The following CSMD1 variants were observed in gnomAD, a reference collection of about 807,000 sequenced individuals.
CSMD1 encodes CUB and sushi domain-containing protein 1.
A neutral mutation model predicts 417.5 loss-of-function variants in CSMD1; 213 were observed. The observed-to-expected ratio is 0.51, with a 90% CI of 0.46 to 0.57. CSMD1 has a LOEUF of 0.57. CSMD1 is among the 20% of genes least tolerant of loss of function. The pLI, the probability that CSMD1 is intolerant of heterozygous loss-of-function variation, is 0.00. For synonymous variants in CSMD1, 2,862 were observed against 1,736.8 expected (o/e 1.65, Z -16.11); for missense variants, 6,923 against 4,529.7 (o/e 1.53, Z -15.17).
intron 5 of CSMD1, among the ~76,000 whole-genome samples, chr8:3,932,651 G>A (rs547784608): frequency 6.0e-5 from 9 of 150,354 alleles, no homozygotes; most frequent in African/African-American, 2.0e-4. Flanking sequence ...CATGTTATTA[G>A]GGAATTCTCA....
chr8:4,009,384 C>G (rs1027019194), intron 4 of CSMD1, among the ~76,000 whole-genome samples: 2 of 152,098 alleles, frequency 1.3e-5, no homozygotes, highest in African/African-American at 4.8e-5. Flanking sequence ...TACTTAGAAG[C>G]AAACTGCCAT....
chr8:4,232,031 A>G (rs1213622309), intron 3 of CSMD1, among the ~76,000 whole-genome samples: 2 of 152,188 alleles, frequency 1.3e-5, no homozygotes, highest in Non-Finnish European at 2.9e-5. Flanking sequence ...ATGAAACAAT[A>G]TGTTGGCCTG....
At chr8:3,483,751 G>T (rs184342436) in intron 11 of CSMD1, among the ~76,000 whole-genome samples, 1 of 152,024 alleles carries the variant, frequency 6.6e-6, no homozygotes, top group African/African-American at 2.4e-5. Context: ...CAAAATATTA[G>T]AAAACTGAAT....
At chr8:4,792,983 AATAT>A (rs34947549) in intron 1 of CSMD1, among the ~76,000 whole-genome samples, 77,627 of 148,440 alleles carry the variant, frequency 0.52, 21,965 homozygotes, top group Admixed American at 0.7. Context: ...ATGTGTATGC[AATAT>A]ATATATATAT....
intron 3 of CSMD1, among the ~76,000 whole-genome samples, chr8:4,103,166 T>C (rs968705125): frequency 4.6e-5 from 7 of 152,012 alleles, no homozygotes; most frequent in African/African-American, 1.7e-4. Flanking sequence ...TGTGAGCCAG[T>C]CAGCACAAAA....
At chr8:4,045,905 C>A (rs2130663012) in intron 3 of CSMD1, among the ~76,000 whole-genome samples, 1 of 152,064 alleles carries the variant, frequency 6.6e-6, no homozygotes, top group South Asian at 2.1e-4. Flanking sequence ...CTGGTGAACA[C>A]ACACAGGTAT....
At chr8:3,369,793 A>T (rs1461441012) in intron 18 of CSMD1, among the ~76,000 whole-genome samples, 1 of 152,204 alleles carries the variant, frequency 6.6e-6, no homozygotes, top group Non-Finnish European at 1.5e-5. Flanking sequence ...GTTTTATGTA[A>T]TCATTTCAAT....
intron 3 of CSMD1, among the ~76,000 whole-genome samples, chr8:4,251,075 G>C (rs370440401): frequency 2.0e-5 from 3 of 152,142 alleles, no homozygotes; most frequent in South Asian, 4.1e-4. Context: ...CTTGTGAAAT[G>C]TTGTAGTCAC....
At chr8:3,624,048 G>T (rs548277322) in intron 7 of CSMD1, among the ~76,000 whole-genome samples, 43 of 152,092 alleles carry the variant, frequency 2.8e-4, no homozygotes, top group African/African-American at 9.4e-4. Flanking sequence ...ATTATGCGTT[G>T]AAGGGCTTTG....
chr8:4,076,527 C>T (rs544370440), intron 3 of CSMD1, among the ~76,000 whole-genome samples: 5 of 152,046 alleles, frequency 3.3e-5, no homozygotes, highest in Non-Finnish European at 7.4e-5. Context: ...CAAATAGAGC[C>T]AAAAACGAAT....
intron 1 of CSMD1, among the ~76,000 whole-genome samples, chr8:4,771,256 C>A (rs1436417175): frequency 1.3e-5 from 2 of 152,178 alleles, no homozygotes; most frequent in African/African-American, 4.8e-5. Context: ...AGTCTACATT[C>A]TGTAATTCCA....
rs770074795 is a variant in CSMD1 at position 3,087,150 on chromosome 8, C to T, written c.7421G>A (p.Arg2474Lys). ...RMVGHSNATCRRNPLGMYQWD... is the reference protein window; with the variant it reads ...RMVGHSNATCKRNPLGMYQWD... ...CTGGTACATGCCAAGTGGGTTTCGT[C>T]TACAGGTTGCATTGCTGTGGCCGAC... The change falls in exon 49 of 70, where the codon AGA becomes AAA. Residue 2474 changes from arginine to lysine, a missense_variant. Arg to Lys is a conservative substitution (Grantham distance 26). Coordinates refer to ENST00000635120, the MANE Select transcript of CSMD1 (RefSeq NM_033225.6). The T allele has an allele frequency of 2.5e-6, 4 of 1,613,756 alleles. No individual in the cohort carries two copies. Among genetic ancestry groups the T allele is most frequent in the African/African-American group, 2.7e-5 (2 of 74,930 alleles).
intron 46 of CSMD1, among the ~76,000 whole-genome samples, chr8:3,098,168 T>C (rs952231056): frequency 3.3e-5 from 5 of 152,212 alleles, no homozygotes; most frequent in African/African-American, 7.2e-5. Flanking sequence ...AAATAAAAAA[T>C]GTATATCAAA....
intron 1 of CSMD1, among the ~76,000 whole-genome samples, chr8:4,920,375 AT>A (rs540694245): frequency 2.7e-3 from 409 of 152,366 alleles, no homozygotes; most frequent in African/African-American, 9.4e-3. Context: ...GAAAATGCAT[AT>A]GGAAATGCTG....
At position 3,722,291 on chromosome 8, in the gene CSMD1, G is replaced by A. The variant is rs1013012871; in HGVS notation, c.932-13800C>T. Among the ~76,000 whole-genome samples, 3 of 152,188 alleles carry A rather than the reference G, an allele frequency of 2.0e-5. No individual in the cohort carries two copies. The South Asian group carries it at 6.2e-4, about 31-fold the overall frequency. On this transcript the variant is annotated intron_variant, in intron 6 of 69. Transcript: ENST00000635120. The stretch of plus-strand genomic sequence containing the variant: ...CCACTGCACTCCAGCCTGGGCGACA[G>A]AGTGAGACTCCATCTCAAATAAATA...
chr8:4,411,836 T>C (rs2128934998), intron 3 of CSMD1, among the ~76,000 whole-genome samples: 3 of 152,338 alleles, frequency 2.0e-5, no homozygotes, highest in East Asian at 3.9e-4. Flanking sequence ...TTTATTTATA[T>C]TTTTACCAAA....
chr8:3,445,752 A>T (rs1815263710), intron 12 of CSMD1, among the ~76,000 whole-genome samples: 1 of 152,220 alleles, frequency 6.6e-6, no homozygotes, highest in Non-Finnish European at 1.5e-5. Flanking sequence ...CAAGAACAAG[A>T]ACAAAGCCAT....
At chr8:3,514,028 T>A (rs909421293) in intron 10 of CSMD1, among the ~76,000 whole-genome samples, 1 of 152,208 alleles carries the variant, frequency 6.6e-6, no homozygotes, top group Admixed American at 6.5e-5. Flanking sequence ...AATAATTTTC[T>A]TATAATAGCA....
chr8:3,913,147 T>C (rs1028576163), intron 5 of CSMD1, among the ~76,000 whole-genome samples: 1 of 152,080 alleles, frequency 6.6e-6, no homozygotes, highest in South Asian at 2.1e-4. Flanking sequence ...ATTTGAAGTA[T>C]CCATGTTACA....
Sources: gnomAD v4.1 joint callset for allele counts (sites outside exome capture counted in the v4.1 genomes callset) on GRCh38, gnomAD v4.1.1 for gene constraint, MANE v1.5 for transcripts, NCBI Gene and HGNC (gene_info 2026-07-23, HGNC 2026-07-21) for gene names.